Variants in RPL26 observed in about 807,000 individuals in gnomAD.
The protein encoded by RPL26 is ribosomal protein L26.
RPL26 carries 1 observed loss-of-function variant against 16.2 expected under a neutral mutation model. The observed-to-expected ratio is 0.06, with a 90% CI of 0.02 to 0.29. RPL26 has a LOEUF of 0.29. RPL26 is among the 10% of genes least tolerant of loss of function. The pLI is 1.00. For missense variants in RPL26, 102 were observed against 184.3 expected (o/e 0.55, Z 2.58); for synonymous variants, 55 against 62.4 (o/e 0.88, Z 0.56).
Position 8,382,250 on chromosome 17 carries a change from C to T in RPL26, c.61G>A (p.Ala21Thr), listed in dbSNP as rs1349025845. The T allele has an allele frequency of 5.0e-6, 8 of 1,612,906 alleles. No homozygotes were observed. The highest frequency in any genetic ancestry group is 6.8e-6 in the Non-Finnish European group (8 of 1,178,888). The change falls in exon 2 of 4, where the codon GCA becomes ACA. Residue 21 changes from alanine to threonine, a missense_variant. Transcript: ENST00000648839. ...ATCTTCCTTCGAATGTGGGAAGGTG[C>T]ATTGAAATGCCTTTTGCGATTCTTG... ...RSKNRKRHFN[A>T]PSHIRRKIMS...
chr17:8,379,612 G>C, intron 3 of RPL26, 184 bp downstream of exon 3: 1 of 603,626 alleles, frequency 1.7e-6, no homozygotes, highest in Non-Finnish European at 2.9e-6. Flanking sequence ...TTAACACTTT[G>C]ATGTCAGAAA....
intron 3 of RPL26, among the ~76,000 whole-genome samples, chr17:8,378,133 C>A (rs917307575): frequency 6.6e-6 from 1 of 152,146 alleles, no homozygotes; most frequent in Non-Finnish European, 1.5e-5. Context: ...GAGTTTGAGA[C>A]CAGTCTGGCC....
chr17:8,381,985 G>A, intron 2 of RPL26, 158 bp downstream of exon 2: 1 of 590,576 alleles, frequency 1.7e-6, no homozygotes, highest in Non-Finnish European at 3.0e-6. Flanking sequence ...AAACTGAAAA[G>A]CAGCTTACTT....
intron 3 of RPL26, among the ~76,000 whole-genome samples, chr17:8,378,987 A>T (rs1907285956): frequency 6.6e-6 from 1 of 152,136 alleles, no homozygotes; most frequent in African/African-American, 2.4e-5. Flanking sequence ...AGTTTCATAG[A>T]TGTGTTTCTC....
chr17:8,377,762 A>G (rs1316734868), intron 3 of RPL26, 70 bp from the exon 4 acceptor site: 1 of 1,415,396 alleles, frequency 7.1e-7, no homozygotes, highest in Admixed American at 2.3e-5. Flanking sequence ...AAAGCCCAAC[A>G]TTCAATACCA....
chr17:8,377,792 G>T (rs183639599), intron 3 of RPL26, 100 bp from the exon 4 acceptor site: 1 of 1,059,358 alleles, frequency 9.4e-7, no homozygotes, highest in Non-Finnish European at 1.3e-6. Flanking sequence ...CCTGGGGTAG[G>T]TGGATGCCTA....
At chr17:8,381,061 T>TC (rs1223496840) in intron 2 of RPL26, 1 of 151,964 alleles carries the variant, frequency 6.6e-6, no homozygotes, top group Admixed American at 6.6e-5. Flanking sequence ...CACTGATGGA[T>TC]CCGCTGGTGC....
chr17:8,378,149 G>C (rs904522697), intron 3 of RPL26, among the ~76,000 whole-genome samples: 2 of 152,126 alleles, frequency 1.3e-5, no homozygotes, highest in Non-Finnish European at 2.9e-5. Context: ...TGGCCAACAC[G>C]GTGAAACCCC....
At position 8,382,819 on chromosome 17, in the gene RPL26, C is replaced by T. The variant is rs200939115; in HGVS notation, c.-6+338G>A. ...CACACGTCTCGGGTCCTAAAAGCCT[C>T]CCAGTGGGCAAGTGTGGTCTGGAAA... On this transcript the variant is annotated intron_variant, in intron 1 of 3. Coordinates refer to ENST00000648839, the MANE Select transcript of RPL26 (RefSeq NM_000987.5). 3.3e-3 allele frequency: 1,288 copies of T among 385,526 alleles called. 18 individuals carry two copies. The highest frequency in any genetic ancestry group is 0.024 in the African/African-American group (1,177 of 48,542). 23.9% of individuals were successfully genotyped at this position (385,526 alleles called of 1,614,324 possible). A position where few individuals can be genotyped will look rare whatever the true frequency, so the allele number is the denominator to read the frequency against.
At position 8,377,553 on chromosome 17, in the gene RPL26, A is replaced by G. The variant is rs141543173; in HGVS notation, c.*11T>C. 318 of 1,579,760 alleles carry G rather than the reference A, an allele frequency of 2.0e-4. 3 individuals are homozygous for G. In the East Asian group the frequency reaches 6.1e-3, roughly 30 times the overall value. Reference sequence around the variant, plus strand: ...TTCAAGTTTTAATCAAAGCTTGTATATAAGATTACTTTATTCCTGCATCTT... The same window carrying G: ...TTCAAGTTTTAATCAAAGCTTGTATGTAAGATTACTTTATTCCTGCATCTT... On this transcript the variant is annotated 3_prime_UTR_variant, in exon 4 of 4. Transcript: ENST00000648839.
intron 2 of RPL26, chr17:8,381,292 C>T (rs1463254341): frequency 6.6e-6 from 1 of 152,186 alleles, no homozygotes; most frequent in Non-Finnish European, 1.5e-5. Context: ...GTCTCTCGTT[C>T]TGGCTCTGCA....
rs780594057 is a variant in RPL26, at chr17:8,382,123, G to T, written c.168+20C>A. 4 of 1,605,170 alleles carry T rather than the reference G, an allele frequency of 2.5e-6. No homozygotes were observed. Among genetic ancestry groups the T allele is most frequent in the Admixed American group, 1.7e-5 (1 of 59,630 alleles). On this transcript the variant is annotated intron_variant, in intron 2 of 3. Coordinates refer to ENST00000648839, the MANE Select transcript of RPL26 (RefSeq NM_000987.5). ...CGTAAAATATCCATCAAGACAACGA[G>T]AACAAGTAGGGATACACACCTGAAC... is the stretch of plus-strand genomic sequence containing the variant.
chr17:8,381,657 G>T (rs1047394427), intron 2 of RPL26: 1 of 170,072 alleles, frequency 5.9e-6, no homozygotes, highest in African/African-American at 2.4e-5. Context: ...GCCGGGCGCG[G>T]TGGCTCACGC....
intron 3 of RPL26, chr17:8,379,347 G>C (rs1907307139): frequency 6.0e-6 from 1 of 166,796 alleles, no homozygotes; most frequent in African/African-American, 2.4e-5. Context: ...GGCTGAGGCA[G>C]GCAAATCACC....
intron 3 of RPL26, chr17:8,379,514 C>CA: frequency 1.9e-6 from 1 of 522,096 alleles, no homozygotes; most frequent in Middle Eastern, 5.0e-4. Flanking sequence ...GTGGAGGCTG[C>CA]AGTGAGCCGA....
At position 8,378,773 on chromosome 17, in the gene RPL26, T is replaced by C. The variant is rs933520621; in HGVS notation, c.309+1023A>G. ...CAGTCACTGAACTCATATTCTAGTA[T>C]AGGGAGCCCGAAAACATTTACAAGT... On this transcript the variant is annotated intron_variant, in intron 3 of 3. Coordinates refer to ENST00000648839, the MANE Select transcript of RPL26 (RefSeq NM_000987.5). Among the ~76,000 whole-genome samples, 109 of 152,158 alleles carry C rather than the reference T, an allele frequency of 7.2e-4. 2 individuals are homozygous for C. Among genetic ancestry groups the C allele is most frequent in the Non-Finnish European group, 1.9e-4 (13 of 68,018 alleles).
Position 8,377,554 on chromosome 17 carries a change from T to C in RPL26, c.*10A>G. 1 of 1,580,462 alleles carries C rather than the reference T, an allele frequency of 6.3e-7. No homozygotes were observed. Among genetic ancestry groups the C allele is most frequent in the Non-Finnish European group, 8.5e-7 (1 of 1,170,876 alleles). On this transcript the variant is annotated 3_prime_UTR_variant, in exon 4 of 4. Transcript: ENST00000648839. ...TCAAGTTTTAATCAAAGCTTGTATATAAGATTACTTTATTCCTGCATCTTC... is the reference window on the plus strand; with the variant it reads ...TCAAGTTTTAATCAAAGCTTGTATACAAGATTACTTTATTCCTGCATCTTC...
intron 3 of RPL26, among the ~76,000 whole-genome samples, chr17:8,378,608 A>G (rs1274627659): frequency 2.6e-5 from 4 of 152,208 alleles, no homozygotes; most frequent in Non-Finnish European, 5.9e-5. Context: ...CTTTAGTGAG[A>G]AGATGACAAT....
intron 2 of RPL26, chr17:8,381,399 T>C (rs1443984998): frequency 6.6e-6 from 1 of 152,186 alleles, no homozygotes; most frequent in Non-Finnish European, 1.5e-5. Context: ...CACAATATAT[T>C]GATAAAAGGA....
Sources: allele counts gnomAD v4.1 joint callset (sites outside exome capture counted in the v4.1 genomes callset), GRCh38; gene constraint gnomAD v4.1.1; transcripts MANE v1.5; gene names NCBI Gene and HGNC (gene_info 2026-07-23, HGNC 2026-07-21).